LRP1B: variants seen among roughly 807,000 people sequenced by gnomAD.
LRP1B encodes low-density lipoprotein receptor-related protein 1B.
LRP1B carries 217 observed loss-of-function variants against 556.6 expected under a neutral mutation model. The observed-to-expected ratio is 0.39, with a 90% CI of 0.35 to 0.44. The LOEUF (loss-of-function observed/expected upper bound fraction) is 0.44. LRP1B is among the 20% of genes least tolerant of loss of function. The probability of loss-of-function intolerance (pLI) is 1.00; values close to 1 mark genes in which losing one functional copy is unlikely to be tolerated. For missense variants in LRP1B, 5,053 were observed against 5,620.8 expected (o/e 0.90, Z 3.23); for synonymous variants, 2,047 against 1,865.8 (o/e 1.10, Z -2.50).
At chr2:141,956,900 A>G (rs1437914928) in intron 1 of LRP1B, among the ~76,000 whole-genome samples, 2 of 152,056 alleles carry the variant, frequency 1.3e-5, no homozygotes, top group African/African-American at 4.8e-5. Context: ...CCAAATGCAG[A>G]AAGTTCTTTA....
At chr2:140,629,488 A>T (rs913380941) in intron 41 of LRP1B, among the ~76,000 whole-genome samples, 1 of 149,432 alleles carries the variant, frequency 6.7e-6, no homozygotes, top group African/African-American at 2.5e-5. Flanking sequence ...AGGCTTATGT[A>T]TTCAAATGTC....
intron 2 of LRP1B, among the ~76,000 whole-genome samples, chr2:141,500,343 C>T (rs1683668988): frequency 6.6e-6 from 1 of 152,114 alleles, no homozygotes; most frequent in Non-Finnish European, 1.5e-5. Context: ...TTTGGACTTT[C>T]ACTTCTTTTC....
intron 11 of LRP1B, among the ~76,000 whole-genome samples, chr2:141,029,839 C>T (rs893093926): frequency 6.6e-6 from 1 of 152,148 alleles, no homozygotes; most frequent in African/African-American, 2.4e-5. Flanking sequence ...GCATTACTGA[C>T]ATTTGGGAAC....
intron 3 of LRP1B, among the ~76,000 whole-genome samples, chr2:141,456,113 C>T (rs942288084): frequency 6.6e-6 from 1 of 152,240 alleles, no homozygotes; most frequent in African/African-American, 2.4e-5. Context: ...ATGGCTTTAG[C>T]TGTCAGAGGA....
chr2:141,270,276 CACAA>C (rs1359957888), intron 3 of LRP1B, among the ~76,000 whole-genome samples: 6 of 152,018 alleles, frequency 3.9e-5, no homozygotes, highest in African/African-American at 7.2e-5. Flanking sequence ...AAACTAAACA[CACAA>C]ACAAACACAA....
At chr2:141,827,874 C>G (rs576250536) in intron 1 of LRP1B, among the ~76,000 whole-genome samples, 1 of 151,802 alleles carries the variant, frequency 6.6e-6, no homozygotes, top group South Asian at 2.1e-4. Flanking sequence ...ACACCTATGT[C>G]TTTACGTATA....
intron 18 of LRP1B, among the ~76,000 whole-genome samples, chr2:140,962,390 A>G (rs73964757): frequency 0.028 from 4,299 of 152,276 alleles, 171 homozygotes; most frequent in African/African-American, 0.09. Context: ...GAGCAGGTCT[A>G]ATGTGGACTC....
In LRP1B at chr2:140,833,396, A is replaced by G. The variant is rs201894167; in HGVS notation, c.5209+6595T>C. Among the ~76,000 whole-genome samples, 9 of 152,326 alleles carry G rather than the reference A, an allele frequency of 5.9e-5. No individual in the cohort carries two copies. The South Asian group carries it at 1.9e-3, about 32-fold the overall frequency. ...CATTTATTTCTTGGCTTAGCCCACC[A>G]CAACTATGACCACCATCACTCACTG... On this transcript the variant is annotated intron_variant, in intron 31 of 90. Transcript: ENST00000389484.
At chr2:140,751,097 A>G (rs1218010811) in intron 35 of LRP1B, among the ~76,000 whole-genome samples, 1 of 145,376 alleles carries the variant, frequency 6.9e-6, no homozygotes, top group Non-Finnish European at 1.5e-5. Flanking sequence ...GGTTCAAGCG[A>G]TTCTCCTGCC....
chr2:141,093,722 C>A (rs992212189), intron 7 of LRP1B, among the ~76,000 whole-genome samples: 3 of 151,184 alleles, frequency 2.0e-5, no homozygotes, highest in African/African-American at 4.9e-5. Context: ...AAAAAAAAAA[C>A]AACAATTTTT....
At chr2:141,870,766 C>T (rs1313955534) in intron 1 of LRP1B, among the ~76,000 whole-genome samples, 2 of 151,804 alleles carry the variant, frequency 1.3e-5, no homozygotes, top group African/African-American at 4.8e-5. Flanking sequence ...GAAAAGTCAT[C>T]GTGGTGAAAA....
chr2:141,667,838 G>A (rs1690503208), intron 2 of LRP1B, among the ~76,000 whole-genome samples: 1 of 152,070 alleles, frequency 6.6e-6, no homozygotes, highest in East Asian at 1.9e-4. Context: ...GCACATGGGA[G>A]GCATCTAGTG....
At chr2:141,333,262 A>G (rs1687724426) in intron 3 of LRP1B, among the ~76,000 whole-genome samples, 1 of 152,098 alleles carries the variant, frequency 6.6e-6, no homozygotes, top group African/African-American at 2.4e-5. Context: ...ACTAAGATAG[A>G]AATATTTTAT....
intron 2 of LRP1B, among the ~76,000 whole-genome samples, chr2:141,718,098 T>A (rs923650369): frequency 6.6e-6 from 1 of 152,108 alleles, no homozygotes; most frequent in African/African-American, 2.4e-5. Flanking sequence ...CAGCTATGCA[T>A]TTTTTTCTGG....
At chr2:141,641,955 A>G (rs1689351028) in intron 2 of LRP1B, among the ~76,000 whole-genome samples, 1 of 152,182 alleles carries the variant, frequency 6.6e-6, no homozygotes, top group Non-Finnish European at 1.5e-5. Flanking sequence ...CATTTTGGTC[A>G]GCAATATTTG....
chr2:141,902,144 C>A (rs918034118), intron 1 of LRP1B, among the ~76,000 whole-genome samples: 2 of 151,244 alleles, frequency 1.3e-5, no homozygotes, highest in Non-Finnish European at 3.0e-5. Context: ...GACACTATTA[C>A]TATTAATTTT....
intron 60 of LRP1B, among the ~76,000 whole-genome samples, chr2:140,473,772 A>G (rs1396024818): frequency 6.6e-6 from 1 of 151,920 alleles, no homozygotes; most frequent in Non-Finnish European, 1.5e-5. Flanking sequence ...CTAGCACTTT[A>G]TATGGAGGCT....
At chr2:141,763,396 A>G (rs6711195) in intron 2 of LRP1B, among the ~76,000 whole-genome samples, 97,252 of 151,908 alleles carry the variant, frequency 0.64, 32,335 homozygotes, top group Non-Finnish European at 0.74. Flanking sequence ...ATATATTTTT[A>G]AAAGTTAGTA....
intron 67 of LRP1B, among the ~76,000 whole-genome samples, chr2:140,382,197 C>T (rs1264050655): frequency 6.6e-6 from 1 of 152,160 alleles, no homozygotes; most frequent in Non-Finnish European, 1.5e-5. Flanking sequence ...ATAACTTATA[C>T]TCTATACAAA....
Sources: gnomAD v4.1 joint callset for allele counts (sites outside exome capture counted in the v4.1 genomes callset) on GRCh38, gnomAD v4.1.1 for gene constraint, MANE v1.5 for transcripts, NCBI Gene and HGNC (gene_info 2026-07-23, HGNC 2026-07-21) for gene names.